The following NDST1 variants were observed in gnomAD, a reference collection of about 807,000 sequenced individuals.
NDST1 encodes N-deacetylase and N-sulfotransferase 1.
Under a neutral mutation model 92.8 loss-of-function variants are expected in NDST1, and 35 were observed. That is an observed-to-expected ratio of 0.38 (90% CI 0.29 to 0.50). The LOEUF (loss-of-function observed/expected upper bound fraction) is 0.50, where lower values mean the gene tolerates loss of function less well. Ranked by LOEUF, NDST1 falls within the 20% of genes least tolerant of loss-of-function variation. The pLI, the probability that NDST1 is intolerant of heterozygous loss-of-function variation, is 0.94. For missense variants in NDST1, 822 were observed against 1,182.7 expected (o/e 0.69, Z 4.47); for synonymous variants, 493 against 500.3 (o/e 0.99, Z 0.19).
chr5:150,549,866 T>C (rs2151304141), intron 13 of NDST1, 79 bp downstream of exon 13: 1 of 846,436 alleles, frequency 1.2e-6, no homozygotes, highest in African/African-American at 1.7e-5. Context: ...TCTTGAATAA[T>C]TATGAGAGAG....
intron 1 of NDST1, among the ~76,000 whole-genome samples, chr5:150,508,622 G>T (rs770302794): frequency 3.3e-5 from 5 of 152,142 alleles, no homozygotes; most frequent in Non-Finnish European, 7.4e-5. Context: ...TCAGGGCCAC[G>T]GGGGAAGCTG....
At chr5:150,543,353 T>A (rs1422730076) in intron 10 of NDST1, among the ~76,000 whole-genome samples, 3 of 152,182 alleles carry the variant, frequency 2.0e-5, no homozygotes, top group African/African-American at 7.2e-5. Context: ...GAGGTGTTCT[T>A]GTGGGCCCTT....
upstream of NDST1, among the ~76,000 whole-genome samples, chr5:150,507,394 G>A (rs910268525): frequency 6.6e-6 from 1 of 152,104 alleles, no homozygotes; most frequent in Non-Finnish European, 1.5e-5. Flanking sequence ...AGCATTTGCT[G>A]TCAAGAAGCA....
intron 4 of NDST1, 132 bp from the exon 5 acceptor site, chr5:150,534,735 C>A: frequency 9.3e-7 from 1 of 1,069,620 alleles, no homozygotes; most frequent in South Asian, 1.4e-5. Context: ...TGCTCCTGTG[C>A]TGTAGCCCAG....
intron 1 of NDST1, among the ~76,000 whole-genome samples, chr5:150,516,888 A>T (rs888885794): frequency 1.3e-5 from 2 of 149,170 alleles, no homozygotes; most frequent in African/African-American, 5.0e-5. Flanking sequence ...CCGGTCTTGA[A>T]CTCCTGACCT....
intron 11 of NDST1, among the ~76,000 whole-genome samples, chr5:150,546,472 C>T (rs116128598): frequency 0.016 from 2,390 of 152,298 alleles, 60 homozygotes; most frequent in African/African-American, 0.053. Flanking sequence ...GAAGTGGCGC[C>T]CCAGCAGAAA....
At chr5:150,547,732 C>A (rs1210936719) in intron 11 of NDST1, among the ~76,000 whole-genome samples, 2 of 152,190 alleles carry the variant, frequency 1.3e-5, no homozygotes, top group African/African-American at 4.8e-5. Context: ...CTATATATGA[C>A]AACAGTGCAG....
At chr5:150,546,947 G>A (rs1053452174) in intron 11 of NDST1, among the ~76,000 whole-genome samples, 7 of 152,212 alleles carry the variant, frequency 4.6e-5, no homozygotes, top group Non-Finnish European at 7.3e-5. Context: ...GCCTCCTGGC[G>A]CTGTGCAGGG....
intron 1 of NDST1, among the ~76,000 whole-genome samples, chr5:150,501,790 T>C (rs1753243291): frequency 2.0e-5 from 3 of 151,852 alleles, no homozygotes; most frequent in Non-Finnish European, 2.9e-5. Flanking sequence ...CACTGTCAGG[T>C]GGTGAGATGT....
intron 10 of NDST1, among the ~76,000 whole-genome samples, chr5:150,543,303 G>A (rs1270679899): frequency 6.6e-6 from 1 of 152,236 alleles, no homozygotes; most frequent in African/African-American, 2.4e-5. Context: ...AAATCCAAAT[G>A]TTCTGGCTCT....
chr5:150,549,516 C>A (rs542431212), intron 12 of NDST1, among the ~76,000 whole-genome samples, 162 bp from the exon 13 acceptor site: 1 of 152,274 alleles, frequency 6.6e-6, no homozygotes, highest in East Asian at 1.9e-4. Context: ...ACCACAGAGG[C>A]CTGAGCTTGG....
intron 1 of NDST1, among the ~76,000 whole-genome samples, chr5:150,511,742 G>A (rs536376627): frequency 6.6e-6 from 1 of 152,100 alleles, no homozygotes; most frequent in Admixed American, 6.5e-5. Flanking sequence ...GGGGTGATGG[G>A]GGATGGGGCA....
At position 150,548,310 on chromosome 5, in the gene NDST1, C is replaced by T. The variant is rs1275359956; in HGVS notation, c.2238C>T (p.Ala746=). 7.4e-6 allele frequency: 12 copies of T among 1,614,144 alleles called. No individual in the cohort carries two copies. Among genetic ancestry groups the T allele is most frequent in the Admixed American group, 1.7e-5 (1 of 60,034 alleles). The change falls in exon 12 of 15, where the codon GCC becomes GCT. Residue 746 remains alanine (A), a synonymous_variant. Transcript: ENST00000261797. ...CTGACGCATCCTCGAAGCTGCGTGC[C>T]CTCCAGAACCGCTGCCTGGTCCCTG... ...AGSDASSKLR[A]LQNRCLVPGW... is the part of the protein sequence containing the mutation.
intron 1 of NDST1, among the ~76,000 whole-genome samples, chr5:150,502,448 G>A (rs1753276545): frequency 6.6e-6 from 1 of 152,124 alleles, no homozygotes; most frequent in South Asian, 2.1e-4. Context: ...AGAAGGCTGT[G>A]GGACAAGCAG....
At chr5:150,523,004 G>A (rs754059405) in intron 2 of NDST1, among the ~76,000 whole-genome samples, 4 of 152,234 alleles carry the variant, frequency 2.6e-5, no homozygotes, top group Non-Finnish European at 5.9e-5. Context: ...GCCCGTTTGT[G>A]CCAGGCCTTC....
intron 5 of NDST1, 184 bp downstream of exon 5, chr5:150,535,205 C>G: frequency 1.2e-6 from 1 of 816,808 alleles, no homozygotes; most frequent in South Asian, 5.6e-5. Flanking sequence ...GAGAATAACC[C>G]CTTTACAGAC....
At chr5:150,531,194 T>C (rs1196064929) in intron 3 of NDST1, among the ~76,000 whole-genome samples, 2 of 152,194 alleles carry the variant, frequency 1.3e-5, no homozygotes, top group Non-Finnish European at 2.9e-5. Flanking sequence ...CAATAGCAGC[T>C]GCCTATTCAG....
intron 1 of NDST1, among the ~76,000 whole-genome samples, chr5:150,510,260 C>A (rs1436633979): frequency 6.6e-6 from 1 of 152,150 alleles, no homozygotes; most frequent in African/African-American, 2.4e-5. Flanking sequence ...AGGAGCTTAA[C>A]GTTGGCCGCC....
rs765065506 is a variant in NDST1, at chr5:150,521,659, C to T, written c.405C>T (p.Leu135=). Residue 135 remains leucine (L), a synonymous_variant, in exon 2 of 15, where the codon CTC becomes CTT. Coordinates refer to ENST00000261797, the MANE Select transcript of NDST1 (RefSeq NM_001543.5). This position sits in a 1 kb window ranked among gnomAD's most constrained non-coding sequence, Gnocchi z 5.9. ...LTDKGRGRFA[L]IIYENILKYV... ...ACAAGGGCCGTGGCCGCTTCGCCCT[C>T]ATCATCTATGAGAACATCCTCAAGT... The T allele has an allele frequency of 1.9e-6, 3 of 1,614,098 alleles. No individual in the cohort carries two copies. Among genetic ancestry groups the T allele is most frequent in the Admixed American group, 3.3e-5 (2 of 60,034 alleles).
Sources: gnomAD v4.1 joint callset for allele counts (sites outside exome capture counted in the v4.1 genomes callset) on GRCh38, gnomAD v4.1.1 for gene constraint, Gnocchi (gnomAD v3.1) non-coding constraint, MANE v1.5 for transcripts, NCBI Gene and HGNC (gene_info 2026-07-23, HGNC 2026-07-21) for gene names.